Variants in CADPS observed in about 807,000 individuals in gnomAD.
CADPS encodes the protein calcium-dependent secretion activator 1.
Under a neutral mutation model 167.3 loss-of-function variants are expected in CADPS, and 57 were observed. The ratio of observed to expected loss-of-function variants is 0.34; its 90% CI spans 0.28 to 0.42. CADPS has a LOEUF of 0.42. CADPS is among the 20% of genes least tolerant of loss of function. CADPS has a pLI of 1.00. For missense variants in CADPS, 1,414 were observed against 1,738.1 expected (o/e 0.81, Z 3.32); for synonymous variants, 676 against 635.3 (o/e 1.06, Z -0.96).
In CADPS at chr3:62,651,055, G is replaced by C. The variant is rs2069985103; in HGVS notation, c.995C>G (p.Ser332Cys). The change falls in exon 5 of 30, where the codon TCC becomes TGC. Residue 332 changes from serine (S) to cysteine (C), a missense_variant. Ser to Cys is a moderately radical substitution (Grantham distance 112, BLOSUM62 -1). Coordinates refer to ENST00000383710, the MANE Select transcript of CADPS (RefSeq NM_003716.4). ...ARERKFPKFV[S>C]KEMENMYIEE... ...AATGTACATGTTTTCCATTTCTTTGGATACAAACTTGGGAAATTTGCGTTC... is the reference window on the plus strand; with the variant it reads ...AATGTACATGTTTTCCATTTCTTTGCATACAAACTTGGGAAATTTGCGTTC... 2 of 1,613,556 alleles carry C rather than the reference G, an allele frequency of 1.2e-6. No homozygotes were observed. The highest frequency in any genetic ancestry group is 2.7e-5 in the African/African-American group (2 of 74,888).
intron 13 of CADPS, chr3:62,530,713 G>A: frequency 9.3e-6 from 12 of 1,288,298 alleles, no homozygotes; most frequent in Non-Finnish European, 1.2e-5. Flanking sequence ...ATTCCTTTTT[G>A]GTATCTTTTT....
chr3:62,555,101 G>C (rs56280787), intron 10 of CADPS, among the ~76,000 whole-genome samples: 1 of 152,154 alleles, frequency 6.6e-6, no homozygotes, highest in Non-Finnish European at 1.5e-5. Context: ...CATGACAACT[G>C]AGAGAATTTA....
chr3:62,693,426 G>T (rs2079589252), intron 3 of CADPS, among the ~76,000 whole-genome samples: 1 of 152,038 alleles, frequency 6.6e-6, no homozygotes, highest in Admixed American at 6.6e-5. Context: ...ACACAGAGCA[G>T]GTTCTCGATA....
intron 24 of CADPS, among the ~76,000 whole-genome samples, chr3:62,472,223 T>C (rs563826478): frequency 4.7e-4 from 71 of 151,604 alleles, no homozygotes; most frequent in Non-Finnish European, 8.7e-4. Flanking sequence ...TGAGAATTAA[T>C]GGGTACTCAG....
chr3:62,642,661 C>T (rs145336827), intron 6 of CADPS, among the ~76,000 whole-genome samples: 429 of 152,294 alleles, frequency 2.8e-3, no homozygotes, highest in African/African-American at 9.8e-3. Context: ...AATCCTTGTA[C>T]TTTGGGAGGA....
intron 3 of CADPS, among the ~76,000 whole-genome samples, chr3:62,672,309 A>C (rs1228616995): frequency 1.3e-5 from 2 of 152,160 alleles, no homozygotes; most frequent in African/African-American, 4.8e-5. Context: ...CTGCAAAACC[A>C]CACGCCATGA....
At chr3:62,740,983 G>C (rs1373680797) in intron 3 of CADPS, among the ~76,000 whole-genome samples, 1 of 152,080 alleles carries the variant, frequency 6.6e-6, no homozygotes. Context: ...CCTTCAAATT[G>C]CATTGTATAC....
At chr3:62,641,856 G>A (rs1287567602) in intron 6 of CADPS, among the ~76,000 whole-genome samples, 1 of 151,436 alleles carries the variant, frequency 6.6e-6, no homozygotes, top group Non-Finnish European at 1.5e-5. Flanking sequence ...AGAGGCTGCC[G>A]GCCTTCACCA....
intron 3 of CADPS, among the ~76,000 whole-genome samples, chr3:62,729,081 C>T (rs1483464236): frequency 6.6e-6 from 1 of 151,860 alleles, no homozygotes; most frequent in East Asian, 1.9e-4. Flanking sequence ...TGTATTTAAC[C>T]CCTTGGCCTT....
At chr3:62,434,870 G>A (rs2149691449) in intron 28 of CADPS, among the ~76,000 whole-genome samples, 1 of 152,192 alleles carries the variant, frequency 6.6e-6, no homozygotes, top group Non-Finnish European at 1.5e-5. Flanking sequence ...ATACCAAACA[G>A]CAACAACTTA....
Position 62,399,350 on chromosome 3 carries a change from T to C in CADPS, c.*56A>G. ...TTCCTAATGGGTTTAACTAACAGAC[T>C]AAGGACATGCACTGATTACAGGACT... On this transcript the variant is annotated 3_prime_UTR_variant, in exon 30 of 30. Transcript: ENST00000383710. This position sits in a 1 kb window ranked among gnomAD's most constrained non-coding sequence, Gnocchi z 5.6. The C allele has an allele frequency of 6.5e-7, 1 of 1,537,452 alleles. No individual in the cohort carries two copies. Among genetic ancestry groups the C allele is most frequent in the Non-Finnish European group, 8.9e-7 (1 of 1,117,582 alleles).
At chr3:62,591,743 C>T (rs2063764720) in intron 7 of CADPS, among the ~76,000 whole-genome samples, 1 of 152,058 alleles carries the variant, frequency 6.6e-6, no homozygotes, top group Admixed American at 6.6e-5. Context: ...GGGTTGGTAC[C>T]ACCTCTCAGG....
chr3:62,716,219 A>G (rs2084580647), intron 3 of CADPS, among the ~76,000 whole-genome samples: 1 of 152,012 alleles, frequency 6.6e-6, no homozygotes, highest in Admixed American at 6.6e-5. Context: ...GCCACCAGCT[A>G]ATTTCTGTAT....
chr3:62,508,635 G>A (rs62243492), intron 17 of CADPS, among the ~76,000 whole-genome samples: 5,787 of 152,148 alleles, frequency 0.038, 123 homozygotes, highest in Non-Finnish European at 0.048. Context: ...TATGAATGGC[G>A]CAGCTTATAA....
intron 21 of CADPS, among the ~76,000 whole-genome samples, chr3:62,483,342 G>T: frequency 8.0e-6 from 1 of 124,324 alleles, no homozygotes; most frequent in African/African-American, 3.0e-5. Context: ...GGGGGAGTGG[G>T]GGAGTTAGGG....
chr3:62,875,154 G>T lies in CADPS; in HGVS notation c.-125C>A. On this transcript the variant is annotated 5_prime_UTR_variant, in exon 1 of 30. Coordinates refer to ENST00000383710, the MANE Select transcript of CADPS (RefSeq NM_003716.4). ...CTTCTCCCCAGGTCAGGGAGCGAGA[G>T]CGCTGCTGCTCAGCCTCGGCCGCCG... 1 of 1,242,438 alleles carries T rather than the reference G, an allele frequency of 8.0e-7. No individual in the cohort carries two copies. Among genetic ancestry groups the T allele is most frequent in the Non-Finnish European group, 1.0e-6 (1 of 972,238 alleles). 77.0% of individuals were successfully genotyped at this position (1,242,438 alleles called of 1,614,324 possible).
intron 17 of CADPS, among the ~76,000 whole-genome samples, chr3:62,510,475 A>G (rs2067575829): frequency 6.6e-6 from 1 of 152,182 alleles, no homozygotes; most frequent in Non-Finnish European, 1.5e-5. Flanking sequence ...TTACATGGAA[A>G]TGTATTTAAA....
chr3:62,441,006 A>T (rs2056216592), intron 27 of CADPS: 1 of 152,244 alleles, frequency 6.6e-6, no homozygotes, highest in Non-Finnish European at 1.5e-5. Context: ...TAAAAAGGCA[A>T]GAAGGTTGTG....
chr3:62,718,144 C>A (rs148976872), intron 3 of CADPS, among the ~76,000 whole-genome samples: 213 of 152,174 alleles, frequency 1.4e-3, no homozygotes, highest in African/African-American at 4.9e-3. Flanking sequence ...CATCTGCAAT[C>A]TTATTTCATT....
Sources: allele counts gnomAD v4.1 joint callset (sites outside exome capture counted in the v4.1 genomes callset), GRCh38; gene constraint gnomAD v4.1.1; non-coding constraint Gnocchi (gnomAD v3.1); transcripts MANE v1.5; gene names NCBI Gene and HGNC (gene_info 2026-07-23, HGNC 2026-07-21).